Variants in MITF observed in about 807,000 individuals in gnomAD.
MITF encodes melanocyte inducing transcription factor.
In MITF, 17 loss-of-function variants were observed where a neutral mutation model predicts 60.5. The observed-to-expected ratio is 0.28, with a 90% confidence interval of 0.19 to 0.42. MITF has a LOEUF of 0.42. Ranked by LOEUF, MITF falls within the 10% of genes least tolerant of loss-of-function variation. The probability of loss-of-function intolerance (pLI) is 1.00; values close to 1 mark genes in which losing one functional copy is unlikely to be tolerated. For missense variants in MITF, 622 were observed against 683.5 expected, an observed-to-expected ratio of 0.91 and a Z score of 1.00; for synonymous variants, 260 against 248.5, an observed-to-expected ratio of 1.05 and a Z score of -0.43.
chr3:69,876,795 A>G (rs971132058), intron 1 of MITF, among the ~76,000 whole-genome samples: 3 of 152,174 alleles, frequency 2.0e-5, no homozygotes, highest in Non-Finnish European at 1.5e-5. Context: ...AGTGTTGTCT[A>G]TGTTGGATTC....
intron 2 of MITF, among the ~76,000 whole-genome samples, chr3:69,911,056 G>T (rs1441636801): frequency 6.6e-6 from 1 of 152,058 alleles, no homozygotes; most frequent in African/African-American, 2.4e-5. Flanking sequence ...GACCCAGGGG[G>T]AGGTAATTGA....
chr3:69,803,410 G>A (rs538785985), intron 1 of MITF, among the ~76,000 whole-genome samples: 5 of 152,204 alleles, frequency 3.3e-5, no homozygotes, highest in African/African-American at 1.2e-4. Flanking sequence ...GTATTTTTCT[G>A]TGTCTCTGAG....
intron 1 of MITF, among the ~76,000 whole-genome samples, chr3:69,794,535 A>G (rs1445972540): frequency 6.6e-6 from 1 of 152,116 alleles, no homozygotes; most frequent in Non-Finnish European, 1.5e-5. Context: ...TGGAGAACCA[A>G]TTCTCATGTC....
At chr3:69,772,991 G>C (rs967667618) in intron 1 of MITF, among the ~76,000 whole-genome samples, 1 of 152,156 alleles carries the variant, frequency 6.6e-6, no homozygotes, top group South Asian at 2.1e-4. Flanking sequence ...CTAAATGCTG[G>C]TAAGTGTTAT....
intron 1 of MITF, among the ~76,000 whole-genome samples, chr3:69,770,743 A>G (rs1284687565): frequency 2.0e-5 from 3 of 152,206 alleles, no homozygotes; most frequent in Non-Finnish European, 4.4e-5. Context: ...CAAGATAAAT[A>G]AGGTCAAAAT....
chr3:69,918,940 T>TAAA (rs1361196442), intron 2 of MITF, among the ~76,000 whole-genome samples: 1 of 152,194 alleles, frequency 6.6e-6, no homozygotes, highest in Non-Finnish European at 1.5e-5. Flanking sequence ...GGAAAAAGAA[T>TAAA]AAAAAATTTT....
chr3:69,753,146 C>G (rs188038284), intron 1 of MITF, among the ~76,000 whole-genome samples: 1 of 152,198 alleles, frequency 6.6e-6, no homozygotes, highest in South Asian at 2.1e-4. Flanking sequence ...GGACACTGCT[C>G]TCCACATCCT....
At chr3:69,929,422 A>AG (rs2065666883) in intron 2 of MITF, among the ~76,000 whole-genome samples, 1 of 152,124 alleles carries the variant, frequency 6.6e-6, no homozygotes, top group African/African-American at 2.4e-5. Flanking sequence ...CACAGTGGAC[A>AG]GGGGTCTGTA....
chr3:69,839,564 C>G (rs2063597979), intron 1 of MITF, among the ~76,000 whole-genome samples: 1 of 151,856 alleles, frequency 6.6e-6, no homozygotes, highest in South Asian at 2.1e-4. Context: ...TAGTTGCATC[C>G]TCCCAGCCAT....
chr3:69,806,087 ATTT>A (rs1158336527), intron 1 of MITF, among the ~76,000 whole-genome samples: 1 of 142,378 alleles, frequency 7.0e-6, no homozygotes, highest in Non-Finnish European at 1.5e-5. Context: ...AGCAGAGCCA[ATTT>A]TTTTTTTTTT....
At chr3:69,754,208 G>GTCTC (rs999834124) in intron 1 of MITF, among the ~76,000 whole-genome samples, 1 of 151,314 alleles carries the variant, frequency 6.6e-6, no homozygotes, top group Non-Finnish European at 1.5e-5. Context: ...ACCCCTGTTA[G>GTCTC]TCTCTCTCTC....
chr3:69,743,609 A>G (rs1271460858), intron 1 of MITF, among the ~76,000 whole-genome samples: 2 of 152,220 alleles, frequency 1.3e-5, no homozygotes, highest in Non-Finnish European at 2.9e-5. Flanking sequence ...AGGAAGACAC[A>G]TGCTGTGGGA....
intron 1 of MITF, among the ~76,000 whole-genome samples, chr3:69,813,058 T>C (rs2063125840): frequency 6.6e-6 from 1 of 152,200 alleles, no homozygotes; most frequent in Non-Finnish European, 1.5e-5. Flanking sequence ...TACAATGTAC[T>C]ATTCCAATTA....
intron 1 of MITF, among the ~76,000 whole-genome samples, chr3:69,806,342 T>C (rs1361128542): frequency 3.3e-5 from 5 of 152,110 alleles, no homozygotes; most frequent in African/African-American, 1.2e-4. Context: ...TGCCTTGGCC[T>C]CCCAAAGTGC....
At chr3:69,917,123 T>C (rs955614212) in intron 2 of MITF, among the ~76,000 whole-genome samples, 1 of 152,142 alleles carries the variant, frequency 6.6e-6, no homozygotes, top group African/African-American at 2.4e-5. Flanking sequence ...TGACCTGACA[T>C]TTAGAGGCTT....
chr3:69,923,630 C>T (rs1449603535), intron 2 of MITF, among the ~76,000 whole-genome samples: 1 of 152,170 alleles, frequency 6.6e-6, no homozygotes, highest in East Asian at 1.9e-4. Flanking sequence ...CCTATTTTCA[C>T]TTTTTAATTC....
intron 1 of MITF, among the ~76,000 whole-genome samples, chr3:69,819,571 C>T (rs2063233537): frequency 6.6e-6 from 1 of 152,094 alleles, no homozygotes. Context: ...CTGGTAATAG[C>T]CGTGCCATTG....
At chr3:69,743,779 A>C (rs1703621087) in intron 1 of MITF, among the ~76,000 whole-genome samples, 1 of 152,216 alleles carries the variant, frequency 6.6e-6, no homozygotes, top group Middle Eastern at 3.2e-3. Context: ...TGGCAGGGAA[A>C]CAAATGTGAA....
intron 1 of MITF, among the ~76,000 whole-genome samples, chr3:69,839,145 C>A (rs1306104772): frequency 6.7e-6 from 1 of 150,336 alleles, no homozygotes; most frequent in African/African-American, 2.5e-5. Context: ...ATGTGAAGTT[C>A]ATTTTTTTTT....
Sources: gnomAD v4.1 joint callset for allele counts (sites outside exome capture counted in the v4.1 genomes callset) on GRCh38, gnomAD v4.1.1 for gene constraint, MANE v1.5 for transcripts, NCBI Gene and HGNC (gene_info 2026-07-23, HGNC 2026-07-21) for gene names.